Variants in HBS1L observed in about 807,000 individuals in gnomAD.
HBS1L encodes the protein HBS1 like translational GTPase.
Under a neutral mutation model 88.9 loss-of-function variants are expected in HBS1L, and 55 were observed. The ratio of observed to expected loss-of-function variants is 0.62; its 90% confidence interval spans 0.50 to 0.77. HBS1L has a LOEUF of 0.77. Ranked by LOEUF, HBS1L falls within the 30% of genes least tolerant of loss-of-function variation. The pLI, the probability that HBS1L is intolerant of heterozygous loss-of-function variation, is 0.00. For synonymous variants in HBS1L, 267 were observed against 288.5 expected, an observed-to-expected ratio of 0.93 and a Z score of 0.76; for missense variants, 741 against 829.3, an observed-to-expected ratio of 0.89 and a Z score of 1.31.
Position 135,037,568 on chromosome 6 carries a change from A to C in HBS1L, c.430+2005T>G, listed in dbSNP as rs1458763300. 4.5e-6 allele frequency: 7 copies of C among 1,549,814 alleles called. No individual in the cohort carries two copies. The South Asian group carries it at 8.3e-5, about 18-fold the overall frequency. On this transcript the variant is annotated intron_variant, in intron 4 of 17. Transcript: ENST00000367837. ...AGTGAATTATTTTGAATATATAAAG[A>C]ATTATTCGGTGTTGTGCCCTTTATG... is the stretch of plus-strand genomic sequence containing the variant.
chr6:134,982,506 C>A lies in HBS1L; in HGVS notation c.1549G>T (p.Gly517Cys), dbSNP rs1420318909. Residue 517 changes from glycine (G) to cysteine (C), a missense_variant, in exon 13 of 18, where the codon GGT (glycine) becomes TGT (cysteine). Transcript: ENST00000367837. ...GKIEAGYIQT[G>C]DRLLAMPPNE... Reference sequence around the variant, plus strand: ...GGAGGCATTGCCAGTAGTCGGTCACCAGTTTGGATATAACCAGCTTCTATT... The same window carrying A: ...GGAGGCATTGCCAGTAGTCGGTCACAAGTTTGGATATAACCAGCTTCTATT... 2 of 1,611,810 alleles carry A rather than the reference C, an allele frequency of 1.2e-6. No individual in the cohort carries two copies. Among genetic ancestry groups the A allele is most frequent in the Admixed American group, 1.7e-5 (1 of 59,856 alleles).
Position 135,023,376 on chromosome 6 carries a change from G to A in HBS1L, c.430+16197C>T, listed in dbSNP as rs568485451. ...GGAGAGTGGTGTGAACCCCAGAGGC[G>A]GAGCTTGCAGTGAGCCGATTTCGCG... is the stretch of plus-strand genomic sequence containing the variant. On this transcript the variant is annotated intron_variant, in intron 4 of 17. Transcript: ENST00000367837. Among the ~76,000 whole-genome samples, 180 of 152,178 alleles carry A rather than the reference G, an allele frequency of 1.2e-3. 6 individuals carry two copies. Among genetic ancestry groups the A allele is most frequent in the Admixed American group, 0.012 (177 of 15,294 alleles).
At chr6:135,020,010 A>G (rs1776028364) in intron 4 of HBS1L, among the ~76,000 whole-genome samples, 2 of 151,914 alleles carry the variant, frequency 1.3e-5, no homozygotes. Flanking sequence ...TTACAAAAGC[A>G]TAATCAAAAA....
intron 17 of HBS1L, 24 bp from the exon 18 acceptor site, chr6:134,965,314 A>G: frequency 6.8e-7 from 1 of 1,463,266 alleles, no homozygotes; most frequent in Non-Finnish European, 9.5e-7. Flanking sequence ...AAAAAAAAAG[A>G]CATTTGCTGT....
At chr6:135,039,858 T>G in intron 3 of HBS1L, 91 bp from the exon 4 acceptor site, 27 of 1,048,038 alleles carry the variant, frequency 2.6e-5, no homozygotes, top group Non-Finnish European at 3.7e-5. Flanking sequence ...TTTACAGCTG[T>G]ACTAGAATAT....
intron 4 of HBS1L, chr6:135,036,059 A>G (rs1404219537): frequency 1.5e-6 from 1 of 662,262 alleles, no homozygotes; most frequent in Non-Finnish European, 1.9e-6. Flanking sequence ...AGATTTTCTA[A>G]TAGAAAAATT....
At chr6:134,998,009 A>G (rs1583091669) in intron 5 of HBS1L, among the ~76,000 whole-genome samples, 1 of 152,234 alleles carries the variant, frequency 6.6e-6, no homozygotes, top group Non-Finnish European at 1.5e-5. Context: ...GGCACCAAAT[A>G]TATTACTGGA....
rs200206950 is a variant in HBS1L, at chr6:134,968,244, C to T, written c.1898+994G>A. ...CTTAACTTGGATTTGGGTAAGAAAT[C>T]TTTTTTTTTTTTTCTTTTTTTTGAG... On this transcript the variant is annotated intron_variant, in intron 16 of 17. Coordinates refer to ENST00000367837, the MANE Select transcript of HBS1L (RefSeq NM_006620.4). Among the ~76,000 whole-genome samples, 567 of 146,470 alleles carry T rather than the reference C, an allele frequency of 3.9e-3. 7 individuals are homozygous for T. Among genetic ancestry groups the T allele is most frequent in the African/African-American group, 0.014 (543 of 39,980 alleles).
chr6:135,049,045 A>G (rs941688433), intron 2 of HBS1L, among the ~76,000 whole-genome samples: 5 of 152,266 alleles, frequency 3.3e-5, no homozygotes, highest in African/African-American at 1.2e-4. Flanking sequence ...GGTACAGTTT[A>G]TAAGACAGCC....
At chr6:135,023,168 G>C (rs1336975746) in intron 4 of HBS1L, among the ~76,000 whole-genome samples, 1 of 151,990 alleles carries the variant, frequency 6.6e-6, no homozygotes, top group Non-Finnish European at 1.5e-5. Flanking sequence ...AAAGTGGCCG[G>C]GCACACTGGC....
intron 2 of HBS1L, among the ~76,000 whole-genome samples, chr6:135,048,123 A>G (rs1776968159): frequency 1.3e-5 from 2 of 152,188 alleles, no homozygotes; most frequent in Admixed American, 1.3e-4. Flanking sequence ...CCCTTTTAGG[A>G]TCATCCAATA....
At chr6:134,987,537 T>C in intron 9 of HBS1L, 108 bp downstream of exon 9, 1 of 721,562 alleles carries the variant, frequency 1.4e-6, no homozygotes, top group Non-Finnish European at 2.0e-6. Flanking sequence ...TTTAAAAACA[T>C]GGCAACCGAC....
intron 8 of HBS1L, among the ~76,000 whole-genome samples, chr6:134,991,128 TA>T (rs1420182979): frequency 4.6e-5 from 7 of 151,838 alleles, no homozygotes; most frequent in Non-Finnish European, 1.0e-4. Context: ...TATTCTTTGG[TA>T]AATGCAATGA....
chr6:135,037,834 T>C (rs1776606329), intron 4 of HBS1L: 2 of 1,546,158 alleles, frequency 1.3e-6, no homozygotes, highest in Admixed American at 4.0e-5. Context: ...CTTTTCACTT[T>C]TACGTGTGTC....
intron 4 of HBS1L, among the ~76,000 whole-genome samples, chr6:135,009,657 G>A (rs531988549): frequency 2.8e-4 from 43 of 151,522 alleles, no homozygotes; most frequent in African/African-American, 8.7e-4. Context: ...TTTTTGAGAC[G>A]GAGTCTCGCT....
Position 135,039,785 on chromosome 6 carries a change from G to A in HBS1L, c.236-18C>T, listed in dbSNP as rs1174603719. On this transcript the variant is annotated intron_variant, in intron 3 of 17. Transcript: ENST00000367837. ...AAGACGAGCTAGAAAAGACGACAAT[G>A]GTCAAAAGCTATACTAAATGGTGCA... is the stretch of plus-strand genomic sequence containing the variant. The A allele has an allele frequency of 2.5e-6, 4 of 1,589,302 alleles. No homozygotes were observed. Among genetic ancestry groups the A allele is most frequent in the African/African-American group, 2.7e-5 (2 of 73,558 alleles).
intron 8 of HBS1L, among the ~76,000 whole-genome samples, chr6:134,990,472 C>T (rs940524285): frequency 6.6e-6 from 1 of 152,234 alleles, no homozygotes; most frequent in African/African-American, 2.4e-5. Flanking sequence ...CGGCAAGTTA[C>T]TTAACATCTT....
intron 4 of HBS1L, chr6:135,037,610 C>A (rs577514496): frequency 6.5e-7 from 1 of 1,547,346 alleles, no homozygotes; most frequent in South Asian, 1.2e-5. Flanking sequence ...GTCTTTAAAT[C>A]TGGTATTTCT....
rs567072739 is a variant in HBS1L at position 135,017,931 on chromosome 6, T to C, written c.431-15089A>G. Reference sequence around the variant, plus strand: ...AAGACAAATTCACAATTTAAAGTCATTCAGATCAAAATGCCTTGGTGAAAA... The same window carrying C: ...AAGACAAATTCACAATTTAAAGTCACTCAGATCAAAATGCCTTGGTGAAAA... On this transcript the variant is annotated intron_variant, in intron 4 of 17. Transcript: ENST00000367837. Among the ~76,000 whole-genome samples the C allele has an allele frequency of 6.6e-5, 10 of 152,034 alleles. 1 individual carries two copies. Among genetic ancestry groups the C allele is most frequent in the African/African-American group, 2.4e-4 (10 of 41,514 alleles).
Sources: gnomAD v4.1 joint callset for allele counts (sites outside exome capture counted in the v4.1 genomes callset) on GRCh38, gnomAD v4.1.1 for gene constraint, MANE v1.5 for transcripts, NCBI Gene and HGNC (gene_info 2026-07-23, HGNC 2026-07-21) for gene names.